Variants in RTN4 observed in about 807,000 individuals in gnomAD.
RTN4 encodes reticulon-4.
Under a neutral mutation model 90.4 loss-of-function variants are expected in RTN4, and 32 were observed. The observed-to-expected ratio is 0.35, with a 90% CI of 0.27 to 0.48. The LOEUF is 0.48. Among genes scored for constraint, RTN4 ranks in the 20% least tolerant of loss-of-function variants. RTN4 has a pLI of 0.99. For missense variants in RTN4, 1,706 were observed against 1,430.2 expected (o/e 1.19, Z -3.11); for synonymous variants, 629 against 552.5 (o/e 1.14, Z -1.94).
chr2:55,111,724 C>T (rs545004176), intron 1 of RTN4, among the ~76,000 whole-genome samples: 3 of 152,288 alleles, frequency 2.0e-5, no homozygotes, highest in Admixed American at 6.5e-5. Context: ...ACTGTAGGGG[C>T]CATGTACAGA....
chr2:55,026,408 T>C lies in RTN4; in HGVS notation c.1691A>G (p.Asn564Ser). 1 of 1,613,926 alleles carries C rather than the reference T, an allele frequency of 6.2e-7. No homozygotes were observed. Among genetic ancestry groups the C allele is most frequent in the Non-Finnish European group, 8.5e-7 (1 of 1,179,898 alleles). ...AGCAATCTTTGTACCAGTAACTTCATTCAATTCACTTTCACATGCTTCCTG... is the reference window on the plus strand; with the variant it reads ...AGCAATCTTTGTACCAGTAACTTCACTCAATTCACTTTCACATGCTTCCTG... ...LVQEACESEL[N>S]EVTGTKIAYE... The change falls in exon 3 of 9, where the codon AAT (asparagine) becomes AGT (serine). Residue 564 changes from asparagine (N) to serine (S), a missense_variant. Transcript: ENST00000337526.
intron 1 of RTN4, among the ~76,000 whole-genome samples, chr2:55,105,077 G>T (rs1051732860): frequency 1.3e-5 from 2 of 152,016 alleles, no homozygotes; most frequent in African/African-American, 2.4e-5. Context: ...AAAACGCTGG[G>T]ATTATAGGCG....
chr2:55,121,973 T>A, the RTN4 span, among the ~76,000 whole-genome samples: 1 of 152,106 alleles, frequency 6.6e-6, no homozygotes, highest in South Asian at 2.1e-4. Flanking sequence ...TGGGATTTCC[T>A]ATTTTTACTT....
At chr2:55,056,827 C>A (rs1041606074) in intron 2 of RTN4, among the ~76,000 whole-genome samples, 1 of 152,152 alleles carries the variant, frequency 6.6e-6, no homozygotes, top group Admixed American at 6.5e-5. Flanking sequence ...TTTATTAAAG[C>A]AGAGTAAAAA....
rs953455349 is a variant in RTN4 at position 55,083,636 on chromosome 2, A to G, written c.-213-2997T>C. The stretch of plus-strand genomic sequence containing the variant: ...AACCTCCTGCACTTTCACTTAAATA[A>G]TACAAAATTAAGGGAAACTATAAGG... On this transcript the variant is annotated intron_variant, in intron 1 of 3. Transcript: ENST00000427710. Among the ~76,000 whole-genome samples the G allele has an allele frequency of 2.0e-5, 3 of 152,378 alleles. No individual in the cohort carries two copies. The South Asian group carries it at 6.2e-4, about 32-fold the overall frequency.
chr2:55,123,767 T>C, the RTN4 span, among the ~76,000 whole-genome samples: 2 of 152,072 alleles, frequency 1.3e-5, no homozygotes. Context: ...AACAAGATCT[T>C]TTTGAAAGAA....
At position 54,987,652 on chromosome 2, in the gene RTN4, C is replaced by T; in HGVS notation, c.3060G>A (p.Val1020=). ...GCAGCAGGAATAGGCTGGCACCAAA[C>T]ACCACTCCAGTCTTCTTAATGTCTC... The part of the protein sequence containing the change: ...YWRDIKKTGV[V]FGASLFLLLS... Residue 1020 remains valine, a synonymous_variant, in exon 4 of 9, where the codon GTG becomes GTA. Coordinates refer to ENST00000337526, the MANE Select transcript of RTN4 (RefSeq NM_020532.5). 5 of 1,614,188 alleles carry T rather than the reference C, an allele frequency of 3.1e-6. No individual in the cohort carries two copies. The highest frequency in any genetic ancestry group is 4.2e-6 in the Non-Finnish European group (5 of 1,180,008).
At chr2:55,050,589 G>A (rs201667382), upstream of RTN4, 1 of 265,592 alleles carries the variant, frequency 3.8e-6, no homozygotes. The surrounding 1 kb of genome is among the most constrained non-coding windows in gnomAD (Gnocchi z 4.6). Flanking sequence ...CCCAGGGGAG[G>A]GCAGGGACTG....
At chr2:55,107,954 C>G (rs1278136573) in intron 1 of RTN4, among the ~76,000 whole-genome samples, 1 of 151,816 alleles carries the variant, frequency 6.6e-6, no homozygotes. Flanking sequence ...CTGTTAAATT[C>G]GGTCCTTTTT....
At chr2:55,043,038 A>C (rs144084900) in intron 1 of RTN4, among the ~76,000 whole-genome samples, 1 of 152,270 alleles carries the variant, frequency 6.6e-6, no homozygotes, top group Non-Finnish European at 1.5e-5. Context: ...GAAATTATCA[A>C]CTCCTCCTTT....
At chr2:55,055,757 G>A (rs1351201627), upstream of RTN4, among the ~76,000 whole-genome samples, 4 of 147,942 alleles carry the variant, frequency 2.7e-5, no homozygotes, top group Admixed American at 6.8e-5. Context: ...GCAACAGAGC[G>A]AGACTCCGTC....
intron 1 of RTN4, among the ~76,000 whole-genome samples, chr2:55,105,941 C>G (rs775956147): frequency 3.3e-5 from 5 of 152,140 alleles, no homozygotes; most frequent in Admixed American, 2.6e-4. Flanking sequence ...TATCATGCCA[C>G]TGCAAGCCAG....
At chr2:54,986,207 TCTC>T (rs1161149980) in intron 4 of RTN4, among the ~76,000 whole-genome samples, 1 of 152,132 alleles carries the variant, frequency 6.6e-6, no homozygotes, top group African/African-American at 2.4e-5. Context: ...TTGTTTTTTT[TCTC>T]TTTAGAAAAA....
upstream of RTN4, among the ~76,000 whole-genome samples, chr2:55,114,213 A>G (rs941623546): frequency 6.6e-6 from 1 of 152,094 alleles, no homozygotes; most frequent in African/African-American, 2.4e-5. Flanking sequence ...TCACTTTTTC[A>G]TTCTGGGACT....
intron 1 of RTN4, among the ~76,000 whole-genome samples, chr2:55,098,130 A>C (rs1468116597): frequency 1.3e-5 from 2 of 152,022 alleles, no homozygotes; most frequent in Non-Finnish European, 2.9e-5. Flanking sequence ...GTCATTTTAG[A>C]TTAGGGCTAG....
intron 1 of RTN4, among the ~76,000 whole-genome samples, chr2:55,095,784 G>C (rs771008852): frequency 2.6e-5 from 4 of 152,148 alleles, no homozygotes; most frequent in Admixed American, 6.5e-5. Context: ...CCCTTTTCCT[G>C]TTAGGATCCC....
At chr2:54,993,586 T>A (rs1482746627) in intron 3 of RTN4, among the ~76,000 whole-genome samples, 2 of 152,296 alleles carry the variant, frequency 1.3e-5, no homozygotes, top group East Asian at 3.9e-4. Context: ...CACGGTCTTT[T>A]CAATAAATGG....
At chr2:55,051,586 G>A (rs893097889), upstream of RTN4, among the ~76,000 whole-genome samples, 1 of 152,158 alleles carries the variant, frequency 6.6e-6, no homozygotes, top group African/African-American at 2.4e-5. Flanking sequence ...CTACTCTGGA[G>A]GCCCTGGAGA....
intron 1 of RTN4, among the ~76,000 whole-genome samples, chr2:55,085,840 T>C (rs555689173): frequency 6.6e-6 from 1 of 152,338 alleles, no homozygotes; most frequent in South Asian, 2.1e-4. Context: ...TCGCTGCACA[T>C]TTGTTGGATC....
Sources: gnomAD v4.1 joint callset for allele counts (sites outside exome capture counted in the v4.1 genomes callset) on GRCh38, gnomAD v4.1.1 for gene constraint, Gnocchi (gnomAD v3.1) non-coding constraint, MANE v1.5 for transcripts, NCBI Gene and HGNC (gene_info 2026-07-23, HGNC 2026-07-21) for gene names.